Variants in PLCXD2 observed in about 807,000 individuals in gnomAD.
PLCXD2 encodes phosphatidylinositol specific phospholipase C X domain containing 2, also known as PI-PLC X domain-containing protein 2.
A neutral mutation model predicts 28.6 loss-of-function variants in PLCXD2; 21 were observed. The observed-to-expected ratio is 0.73, with a 90% CI of 0.52 to 1.06. The LOEUF (loss-of-function observed/expected upper bound fraction) is 1.06, where lower values mean the gene tolerates loss of function less well. Ranked by LOEUF, PLCXD2 falls within the 50% of genes least tolerant of loss-of-function variation. The probability of loss-of-function intolerance (pLI) is 0.00; values close to 1 mark genes in which losing one functional copy is unlikely to be tolerated. For missense variants in PLCXD2, 369 were observed against 376.7 expected (o/e 0.98, Z 0.17); for synonymous variants, 140 against 150.1 (o/e 0.93, Z 0.49).
At chr3:111,720,424 C>T (rs1475332509) in intron 3 of PLCXD2, among the ~76,000 whole-genome samples, 3 of 152,084 alleles carry the variant, frequency 2.0e-5, no homozygotes, top group Non-Finnish European at 2.9e-5. Flanking sequence ...CATGAGCCAC[C>T]GCACTGGGCC....
At chr3:111,724,642 GA>G (rs1226026526) in intron 3 of PLCXD2, 1 of 152,176 alleles carries the variant, frequency 6.6e-6, no homozygotes, top group Non-Finnish European at 1.5e-5. Flanking sequence ...AATTCAGATG[GA>G]AATGAAACTA....
chr3:111,679,581 A>C (rs992596710), intron 1 of PLCXD2, among the ~76,000 whole-genome samples: 2 of 152,226 alleles, frequency 1.3e-5, no homozygotes, highest in Non-Finnish European at 2.9e-5. Flanking sequence ...CATGGTTTGC[A>C]GCCACCGCTG....
chr3:111,685,283 G>T (rs1468376417), intron 1 of PLCXD2, among the ~76,000 whole-genome samples: 3 of 152,118 alleles, frequency 2.0e-5, no homozygotes, highest in Non-Finnish European at 4.4e-5. Flanking sequence ...ACTTCTTTTA[G>T]AAAATTTGTT....
In PLCXD2 at chr3:111,675,154, G is replaced by A; in HGVS notation, c.-92G>A. On this transcript the variant is annotated 5_prime_UTR_variant, in exon 1 of 5. Transcript: ENST00000477665. ...CATTTTGGAAAGACTGGCGTGGCAA[G>A]CGTCGCCCTGAAACGTCCACAGAGC... The A allele has an allele frequency of 6.9e-7, 1 of 1,458,576 alleles. No individual in the cohort carries two copies. The allele number at this position is 1,458,576 out of a possible 1,614,324, so 90.4% of individuals were successfully genotyped here. A position where few individuals can be genotyped will look rare whatever the true frequency, so the allele number is the denominator to read the frequency against.
intron 3 of PLCXD2, among the ~76,000 whole-genome samples, chr3:111,718,530 T>TAGAC (rs1180109985): frequency 1.1e-5 from 1 of 92,004 alleles, no homozygotes; most frequent in African/African-American, 3.9e-5. Flanking sequence ...GATAGATAGA[T>TAGAC]AGATTGATTG....
chr3:111,683,763 T>C (rs1376037252), intron 1 of PLCXD2, among the ~76,000 whole-genome samples: 1 of 152,148 alleles, frequency 6.6e-6, no homozygotes, highest in African/African-American at 2.4e-5. Context: ...ACATTACTGC[T>C]GGAAGAAGCA....
At chr3:111,719,929 T>A in intron 3 of PLCXD2, among the ~76,000 whole-genome samples, 1 of 152,238 alleles carries the variant, frequency 6.6e-6, no homozygotes, top group East Asian at 1.9e-4. Context: ...AAAACAGATA[T>A]TGAACTCCAG....
At chr3:111,693,732 A>G (rs1462449165) in intron 1 of PLCXD2, among the ~76,000 whole-genome samples, 1 of 152,182 alleles carries the variant, frequency 6.6e-6, no homozygotes, top group Non-Finnish European at 1.5e-5. Context: ...CAAGAAAAAC[A>G]TTTGTTCATA....
rs967833823 is a variant in PLCXD2 at position 111,708,202 on chromosome 3, A to C, written c.440A>C (p.Asp147Ala). The stretch of plus-strand genomic sequence containing the variant: ...GTCTGGGATGGGCTGATGGAAATTG[A>C]CTCGTTTCTTACACAGCACCCCCAG... Residue 147 changes from aspartate to alanine, a missense_variant, in exon 2 of 5, where the codon GAC becomes GCC. Transcript: ENST00000477665. 22 of 1,613,904 alleles carry C rather than the reference A, an allele frequency of 1.4e-5. No homozygotes were observed. Among genetic ancestry groups the C allele is most frequent in the Non-Finnish European group, 1.9e-5 (22 of 1,180,010 alleles).
intron 1 of PLCXD2, among the ~76,000 whole-genome samples, chr3:111,694,768 C>T (rs139649564): frequency 2.6e-5 from 4 of 152,252 alleles, no homozygotes; most frequent in East Asian, 3.9e-4. Context: ...CCAGCTAGGC[C>T]GGTGCTCTCT....
chr3:111,678,430 C>T (rs1156249869), intron 1 of PLCXD2, among the ~76,000 whole-genome samples: 1 of 152,120 alleles, frequency 6.6e-6, no homozygotes, highest in African/African-American at 2.4e-5. Context: ...TTTGTAAAAG[C>T]GTGATATTCT....
At chr3:111,718,183 G>C (rs1365439169) in intron 3 of PLCXD2, among the ~76,000 whole-genome samples, 1 of 152,126 alleles carries the variant, frequency 6.6e-6, no homozygotes, top group East Asian at 1.9e-4. Context: ...TAAAAATATA[G>C]GCCAGGCGCA....
Position 111,675,263 on chromosome 3 carries a change from G to T in PLCXD2, c.18G>T (p.Lys6Asn). 1 of 1,614,010 alleles carries T rather than the reference G, an allele frequency of 6.2e-7. No individual in the cohort carries two copies. ...CAACAGGGATGCTAGCAGTTAGGAA[G>T]GCCAGGAGGAAACTCAGGATGGGGA... Residue 6 changes from lysine to asparagine, a missense_variant, in exon 1 of 5, where the codon AAG becomes AAT. Lys to Asn is a moderately conservative substitution (Grantham distance 94). Coordinates refer to ENST00000477665, the MANE Select transcript of PLCXD2 (RefSeq NM_001185106.1).
chr3:111,713,278 AC>A lies in PLCXD2; in HGVS notation c.625-608del, dbSNP rs554968684. On this transcript the variant is annotated intron_variant, in intron 2 of 4. Transcript: ENST00000477665. ...TTTAAATTTGGATGGGAAAAAAAAT[AC>A]ATATTCATTTTTACTAAAATTGAAC... Among the ~76,000 whole-genome samples, 25 of 152,362 alleles carry A rather than the reference AC, an allele frequency of 1.6e-4. No homozygotes were observed. The South Asian group carries it at 5.2e-3, about 32-fold the overall frequency.
At chr3:111,720,077 T>C (rs1327921021) in intron 3 of PLCXD2, among the ~76,000 whole-genome samples, 5 of 152,220 alleles carry the variant, frequency 3.3e-5, no homozygotes, top group Non-Finnish European at 7.3e-5. Context: ...GTATAGTTAA[T>C]GGTGGGATCT....
chr3:111,725,736 A>G (rs1417028785), intron 3 of PLCXD2: 1 of 398,482 alleles, frequency 2.5e-6, no homozygotes. Context: ...TCTAAGCCAA[A>G]TAGTTTAGAT....
chr3:111,716,407 G>A (rs1430618348), intron 3 of PLCXD2, among the ~76,000 whole-genome samples: 1 of 152,182 alleles, frequency 6.6e-6, no homozygotes, highest in Non-Finnish European at 1.5e-5. Flanking sequence ...TTTCTCGGCA[G>A]GGATTTAACC....
At chr3:111,702,380 C>A (rs528192141) in intron 1 of PLCXD2, among the ~76,000 whole-genome samples, 2 of 152,216 alleles carry the variant, frequency 1.3e-5, no homozygotes, top group South Asian at 4.1e-4. Context: ...TATGTCATAG[C>A]AGACAAAGGC....
At chr3:111,715,789 T>G (rs1941259274) in intron 3 of PLCXD2, among the ~76,000 whole-genome samples, 1 of 152,174 alleles carries the variant, frequency 6.6e-6, no homozygotes, top group Non-Finnish European at 1.5e-5. Context: ...ACTGCCCTTT[T>G]CAGCGTTGGA....
Sources: gnomAD v4.1 joint callset for allele counts (sites outside exome capture counted in the v4.1 genomes callset) on GRCh38, gnomAD v4.1.1 for gene constraint, MANE v1.5 for transcripts, NCBI Gene and HGNC (gene_info 2026-07-23, HGNC 2026-07-21) for gene names.